KAZN: variants seen among roughly 807,000 people sequenced by gnomAD.
KAZN encodes kazrin, periplakin interacting protein.
KAZN carries 40 observed loss-of-function variants against 87.4 expected under a neutral mutation model. The ratio of observed to expected loss-of-function variants is 0.46; its 90% confidence interval spans 0.36 to 0.60. KAZN has a LOEUF of 0.60. KAZN is among the 20% of genes least tolerant of loss of function. The probability of loss-of-function intolerance (pLI) is 0.00; values close to 1 mark genes in which losing one functional copy is unlikely to be tolerated. For missense variants in KAZN, 898 were observed against 1,073.9 expected, an observed-to-expected ratio of 0.84 and a Z score of 2.29; for synonymous variants, 466 against 458.3, an observed-to-expected ratio of 1.02 and a Z score of -0.22.
intron 1 of KAZN, among the ~76,000 whole-genome samples, chr1:14,163,952 C>T (rs1645765560): frequency 6.6e-6 from 1 of 152,182 alleles, no homozygotes; most frequent in Non-Finnish European, 1.5e-5. Flanking sequence ...CAACAGGATT[C>T]TGCTGGACAT....
chr1:14,357,033 C>T (rs556929357), intron 2 of KAZN, among the ~76,000 whole-genome samples: 7 of 152,074 alleles, frequency 4.6e-5, no homozygotes, highest in South Asian at 2.1e-4. Context: ...GCCATTTTCA[C>T]GATATTGATT....
rs568294860 is a variant in KAZN, at chr1:14,101,098, C to T, written c.92-79337C>T. Among the ~76,000 whole-genome samples, 212 of 152,272 alleles carry T rather than the reference C, an allele frequency of 1.4e-3. 1 individual carries two copies. The Middle Eastern group carries it at 0.02, about 15-fold the overall frequency. ...AAATTACCCGGTCTCGGGTATTTATCAGCAGCGTGAAAATGGACTAGTACA... is the reference window on the plus strand; with the variant it reads ...AAATTACCCGGTCTCGGGTATTTATTAGCAGCGTGAAAATGGACTAGTACA... On this transcript the variant is annotated intron_variant, in intron 1 of 16. Transcript: ENST00000636203.
chr1:14,208,095 G>C (rs983835528), intron 2 of KAZN, among the ~76,000 whole-genome samples: 2 of 152,150 alleles, frequency 1.3e-5, no homozygotes, highest in East Asian at 3.9e-4. Context: ...TCTAATCACG[G>C]ACTAAGAGTG....
At chr1:14,652,898 G>A (rs1204935270) in intron 1 of KAZN, among the ~76,000 whole-genome samples, 2 of 152,018 alleles carry the variant, frequency 1.3e-5, no homozygotes, top group Non-Finnish European at 2.9e-5. Flanking sequence ...TGGGAGAGAG[G>A]GGGGTGCCAC....
chr1:13,960,189 T>G (rs553409312), intron 1 of KAZN, among the ~76,000 whole-genome samples: 1 of 152,338 alleles, frequency 6.6e-6, no homozygotes, highest in East Asian at 1.9e-4. Flanking sequence ...CTTGAGTATA[T>G]GCCAAGCATT....
chr1:14,605,250 CA>C (rs1415428150), intron 1 of KAZN, among the ~76,000 whole-genome samples: 3 of 152,206 alleles, frequency 2.0e-5, no homozygotes, highest in Non-Finnish European at 4.4e-5. Flanking sequence ...TTGCTTTGGT[CA>C]AACTTTTTAA....
chr1:13,942,976 G>T (rs1640996109), intron 1 of KAZN, among the ~76,000 whole-genome samples: 1 of 151,984 alleles, frequency 6.6e-6, no homozygotes, highest in Non-Finnish European at 1.5e-5. Flanking sequence ...ATATGGACAT[G>T]GTAAAAAAGA....
chr1:14,447,208 CATTATTATTATTATTATTATT>C (rs55650123), intron 2 of KAZN, among the ~76,000 whole-genome samples: 20 of 131,178 alleles, frequency 1.5e-4, no homozygotes, highest in African/African-American at 3.8e-4. Flanking sequence ...GTTTCCACCA[CATTATTATTATTATTATTATT>C]ATTATTATTA....
chr1:14,926,532 G>C (rs764770009), intron 1 of KAZN, among the ~76,000 whole-genome samples: 15 of 152,198 alleles, frequency 9.9e-5, no homozygotes, highest in South Asian at 4.1e-4. Flanking sequence ...AGCTAAACCA[G>C]AAAGTTTTGA....
rs1553181094 is a variant in KAZN, at chr1:13,981,089, T to TATA, written c.91+87333_91+87334insATA. Among the ~76,000 whole-genome samples the TATA allele has an allele frequency of 2.2e-4, 14 of 63,132 alleles. 2 individuals are homozygous for TATA. The highest frequency in any genetic ancestry group is 5.7e-4 in the East Asian group (2 of 3,532). 41.4% of individuals were successfully genotyped at this position (63,132 alleles called of 152,430 possible). A position where few individuals can be genotyped will look rare whatever the true frequency, so the allele number is the denominator to read the frequency against. Reference sequence around the variant, plus strand: ...TTGGAGAGGTATAAAAAATTACTCTTTATATATATATATATATATATGTAT... The same window carrying TATA: ...TTGGAGAGGTATAAAAAATTACTCTTATATATATATATATATATATATATGTAT... On this transcript the variant is annotated intron_variant, in intron 1 of 16. Coordinates refer to the KAZN transcript ENST00000636203.
intron 1 of KAZN, among the ~76,000 whole-genome samples, chr1:14,056,976 A>G (rs995124870): frequency 2.7e-5 from 4 of 150,270 alleles, no homozygotes; most frequent in African/African-American, 9.9e-5. Flanking sequence ...CCCAGGAGGC[A>G]GAGGTTGCAG....
At chr1:14,951,718 T>A (rs1162569952) in intron 1 of KAZN, among the ~76,000 whole-genome samples, 1 of 152,130 alleles carries the variant, frequency 6.6e-6, no homozygotes, top group Non-Finnish European at 1.5e-5. Flanking sequence ...CCTCAGGTGA[T>A]CTACCCGCCT....
chr1:14,887,065 C>T (rs562714014), intron 1 of KAZN, among the ~76,000 whole-genome samples: 2 of 152,304 alleles, frequency 1.3e-5, no homozygotes, highest in East Asian at 3.9e-4. Flanking sequence ...GGATTATTTA[C>T]TTATTCATTT....
chr1:14,248,025 T>C (rs1649673749), intron 2 of KAZN, among the ~76,000 whole-genome samples: 1 of 152,208 alleles, frequency 6.6e-6, no homozygotes, highest in African/African-American at 2.4e-5. Flanking sequence ...AACGCCACTC[T>C]CAATCTATTG....
At chr1:14,100,422 A>G (rs7536758) in intron 1 of KAZN, among the ~76,000 whole-genome samples, 14,113 of 152,172 alleles carry the variant, frequency 0.093, 2,078 homozygotes, top group African/African-American at 0.31. Flanking sequence ...TCAGGGCTGT[A>G]GTTTATTACA....
At chr1:14,206,546 A>C (rs2100430837) in intron 2 of KAZN, among the ~76,000 whole-genome samples, 1 of 152,272 alleles carries the variant, frequency 6.6e-6, no homozygotes, top group South Asian at 2.1e-4. Flanking sequence ...AGACATCATC[A>C]TCCTCTTAAT....
chr1:14,191,335 G>A (rs758470958), intron 2 of KAZN, among the ~76,000 whole-genome samples: 47 of 152,272 alleles, frequency 3.1e-4, no homozygotes, highest in Non-Finnish European at 1.3e-4. Flanking sequence ...TTAGCAAGTA[G>A]CAATTTCATT....
chr1:13,936,148 G>T (rs1640736611), intron 1 of KAZN, among the ~76,000 whole-genome samples: 1 of 121,134 alleles, frequency 8.3e-6, no homozygotes, highest in African/African-American at 3.1e-5. Flanking sequence ...CCAGGCTGGG[G>T]TGCAATGGTG....
chr1:14,335,730 T>C (rs1657210562), intron 2 of KAZN, among the ~76,000 whole-genome samples: 1 of 151,658 alleles, frequency 6.6e-6, no homozygotes, highest in African/African-American at 2.4e-5. Context: ...CAGACTAATA[T>C]AGGCGTGCAT....
Sources: allele counts gnomAD v4.1 joint callset (sites outside exome capture counted in the v4.1 genomes callset), GRCh38; gene constraint gnomAD v4.1.1; transcripts MANE v1.5; gene names NCBI Gene and HGNC (gene_info 2026-07-23, HGNC 2026-07-21).